TTC27: variants seen among roughly 807,000 people sequenced by gnomAD.
TTC27 encodes the protein tetratricopeptide repeat protein 27.
TTC27 carries 79 observed loss-of-function variants against 115.9 expected under a neutral mutation model. That is an observed-to-expected ratio of 0.68 (90% CI 0.57 to 0.82). TTC27 has a LOEUF of 0.82. Among genes scored for constraint, TTC27 ranks in the 40% least tolerant of loss-of-function variants. TTC27 has a pLI of 0.00. For missense variants in TTC27, 1,054 were observed against 993.1 expected (o/e 1.06, Z -0.82); for synonymous variants, 401 against 356.0 (o/e 1.13, Z -1.42).
At chr2:32,782,734 T>A (rs920087140) in intron 15 of TTC27, 56 bp downstream of exon 15, 14 of 1,359,788 alleles carry the variant, frequency 1.0e-5, no homozygotes, top group Middle Eastern at 1.9e-4. Flanking sequence ...TGAATGAGAT[T>A]TTCTACAACT....
In TTC27 at chr2:32,794,442, C is replaced by T. The variant is rs927489896; in HGVS notation, c.1998+7293C>T. On this transcript the variant is annotated intron_variant, in intron 16 of 19. Transcript: ENST00000317907. The stretch of plus-strand genomic sequence containing the variant: ...GCATACCAAAACTTGTAGGACACAG[C>T]GAAAGCATTGCTAAGGAAGAAATTT... Among the ~76,000 whole-genome samples the T allele has an allele frequency of 2.6e-5, 4 of 151,910 alleles. No individual in the cohort carries two copies. The East Asian group carries it at 7.7e-4, about 29-fold the overall frequency.
Position 32,664,341 on chromosome 2 carries a change from C to A in TTC27, c.679C>A (p.Arg227=). 6.2e-7 allele frequency: 1 copy of A among 1,608,858 alleles called. No individual in the cohort carries two copies. Among genetic ancestry groups the A allele is most frequent in the South Asian group, 1.1e-5 (1 of 90,072 alleles). ...GAATCTGTTTGTAGATGATTCAGGT[C>A]GATATTTGGCTATTCAATTCCATCT... ...LQNLFVDDSG[R]YLAIQFHLEC... The change falls in exon 6 of 20, where the codon CGA becomes AGA. Residue 227 remains arginine, a synonymous_variant. Transcript: ENST00000317907.
intron 17 of TTC27, among the ~76,000 whole-genome samples, chr2:32,811,642 T>C (rs1671320636): frequency 6.6e-6 from 1 of 152,206 alleles, no homozygotes; most frequent in Non-Finnish European, 1.5e-5. Flanking sequence ...ATGAACAAGA[T>C]AAAGATCTTG....
At chr2:32,739,030 C>T (rs1288938985) in intron 12 of TTC27, among the ~76,000 whole-genome samples, 1 of 152,170 alleles carries the variant, frequency 6.6e-6, no homozygotes, top group East Asian at 1.9e-4. Flanking sequence ...CAGAGTTTGT[C>T]TTACAACTGA....
At chr2:32,761,416 A>T (rs1055046077) in intron 13 of TTC27, among the ~76,000 whole-genome samples, 2 of 152,046 alleles carry the variant, frequency 1.3e-5, no homozygotes, top group Admixed American at 6.6e-5. Flanking sequence ...CCCTCTGCCT[A>T]TTCTCAAAGG....
chr2:32,640,195 TTGTA>T, intron 3 of TTC27, 71 bp from the exon 4 acceptor site: 2 of 1,389,386 alleles, frequency 1.4e-6, no homozygotes, highest in Non-Finnish European at 1.9e-6. Context: ...TGGAAAATCT[TTGTA>T]TTATTACAAG....
At chr2:32,812,421 A>T in intron 17 of TTC27, 83 bp from the exon 18 acceptor site, 1 of 965,500 alleles carries the variant, frequency 1.0e-6, no homozygotes, top group Non-Finnish European at 1.7e-6. Context: ...CATTGGAATT[A>T]GTTCCATATG....
chr2:32,748,915 T>TGACCTCAGGAGATCTGCC (rs1409380818), intron 12 of TTC27, among the ~76,000 whole-genome samples: 2 of 152,110 alleles, frequency 1.3e-5, no homozygotes, highest in Non-Finnish European at 2.9e-5. Flanking sequence ...CTCGAACTCC[T>TGACCTCAGGAGATCTGCC]GACCTCAGGA....
chr2:32,701,811 C>T (rs1667191818), intron 9 of TTC27, among the ~76,000 whole-genome samples: 1 of 152,078 alleles, frequency 6.6e-6, no homozygotes, highest in Admixed American at 6.6e-5. Context: ...CTGATGCCAG[C>T]CTGGGCAACA....
At chr2:32,726,452 G>A (rs913525628) in intron 10 of TTC27, among the ~76,000 whole-genome samples, 3 of 152,130 alleles carry the variant, frequency 2.0e-5, no homozygotes, top group African/African-American at 7.2e-5. Context: ...GGGGCAAAAT[G>A]CCTCTAGTCT....
At chr2:32,706,802 G>A in intron 10 of TTC27, among the ~76,000 whole-genome samples, 1 of 152,014 alleles carries the variant, frequency 6.6e-6, no homozygotes, top group Non-Finnish European at 1.5e-5. Flanking sequence ...GACCTCAGGT[G>A]ATCCACCTGC....
intron 16 of TTC27, among the ~76,000 whole-genome samples, chr2:32,796,674 G>A (rs1360355037): frequency 2.0e-5 from 3 of 152,114 alleles, no homozygotes; most frequent in African/African-American, 7.2e-5. Context: ...GGAATCTCAA[G>A]AGACCCTGGA....
chr2:32,685,587 A>C (rs1666602100), intron 9 of TTC27, among the ~76,000 whole-genome samples: 2 of 152,212 alleles, frequency 1.3e-5, no homozygotes, highest in Non-Finnish European at 2.9e-5. Context: ...GTTTAATATG[A>C]AACAATGCAG....
chr2:32,715,358 A>G (rs116327893), intron 10 of TTC27, among the ~76,000 whole-genome samples: 8 of 151,964 alleles, frequency 5.3e-5, no homozygotes, highest in South Asian at 2.1e-4. Context: ...GTTTTTGTCA[A>G]CTTTCTCAAA....
chr2:32,704,968 C>T (rs1282218574), intron 10 of TTC27: 2 of 467,484 alleles, frequency 4.3e-6, no homozygotes, highest in Non-Finnish European at 8.9e-6. Flanking sequence ...ACTCTTTTCC[C>T]ATTGTAATTA....
At position 32,692,036 on chromosome 2, in the gene TTC27, G is replaced by GTTTTTTTTTTTTTTTTTTTTTTTTTTTT. The variant is rs779547700; in HGVS notation, c.1120-10745_1120-10744insTTTTTTTTTTTTTTTTTTTTTTTTTTTT. On this transcript the variant is annotated intron_variant, in intron 9 of 19. Coordinates refer to ENST00000317907, the MANE Select transcript of TTC27 (RefSeq NM_017735.5). ...GGGATATTCTTTTTTAATTTTTTAG[G>GTTTTTTTTTTTTTTTTTTTTTTTTTTTT]TTTTTTTTTTTTTTTTTTTTTTTTT... Among the ~76,000 whole-genome samples, 10 of 61,208 alleles carry GTTTTTTTTTTTTTTTTTTTTTTTTTTTT rather than the reference G, an allele frequency of 1.6e-4. 4 individuals are homozygous for GTTTTTTTTTTTTTTTTTTTTTTTTTTTT. Among genetic ancestry groups the GTTTTTTTTTTTTTTTTTTTTTTTTTTTT allele is most frequent in the Non-Finnish European group, 2.3e-4 (8 of 34,580 alleles). 40.2% of individuals were successfully genotyped at this position (61,208 alleles called of 152,430 possible). A position where few individuals can be genotyped will look rare whatever the true frequency, so the allele number is the denominator to read the frequency against.
intron 13 of TTC27, among the ~76,000 whole-genome samples, chr2:32,775,329 C>T (rs759795492): frequency 3.4e-4 from 52 of 152,206 alleles, no homozygotes; most frequent in Admixed American, 1.3e-3. Flanking sequence ...TCCCGAGTAC[C>T]TGGGACTACA....
intron 12 of TTC27, among the ~76,000 whole-genome samples, chr2:32,756,726 A>G (rs773042610): frequency 6.6e-6 from 1 of 152,258 alleles, no homozygotes; most frequent in Non-Finnish European, 1.5e-5. Context: ...TTTAGCTGCT[A>G]AAGGATGGCT....
intron 12 of TTC27, among the ~76,000 whole-genome samples, chr2:32,752,831 T>G (rs1427612213): frequency 6.6e-6 from 1 of 152,192 alleles, no homozygotes; most frequent in Non-Finnish European, 1.5e-5. Context: ...TGGATCCTGC[T>G]CTTTCATAAT....
Sources: allele counts gnomAD v4.1 joint callset (sites outside exome capture counted in the v4.1 genomes callset), GRCh38; gene constraint gnomAD v4.1.1; transcripts MANE v1.5; gene names NCBI Gene and HGNC (gene_info 2026-07-23, HGNC 2026-07-21).